The following MAGI2 variants were observed in gnomAD, a reference collection of about 807,000 sequenced individuals.
The protein encoded by MAGI2 is membrane-associated guanylate kinase, WW and PDZ domain-containing protein 2.
Under a neutral mutation model 133.3 loss-of-function variants are expected in MAGI2, and 35 were observed. The ratio of observed to expected loss-of-function variants is 0.26; its 90% CI spans 0.20 to 0.35. MAGI2 has a LOEUF of 0.35. Among genes scored for constraint, MAGI2 ranks in the 10% least tolerant of loss-of-function variants. The probability of loss-of-function intolerance (pLI) is 1.00; values close to 1 mark genes in which losing one functional copy is unlikely to be tolerated. For synonymous variants in MAGI2, 729 were observed against 710.6 expected (o/e 1.03, Z -0.41); for missense variants, 1,636 against 1,863.4 (o/e 0.88, Z 2.25).
At chr7:79,322,493 C>CTCATT (rs542838432) in intron 1 of MAGI2, among the ~76,000 whole-genome samples, 1,668 of 151,942 alleles carry the variant, frequency 0.011, 11 homozygotes, top group Middle Eastern at 0.021. Flanking sequence ...AAGCAATTGT[C>CTCATT]TCATCAGATT....
chr7:78,200,019 G>GT (rs1829093805), intron 11 of MAGI2, among the ~76,000 whole-genome samples: 1 of 152,186 alleles, frequency 6.6e-6, no homozygotes, highest in South Asian at 2.1e-4. Flanking sequence ...TTAGACATTG[G>GT]TTAAGATAAA....
intron 2 of MAGI2, among the ~76,000 whole-genome samples, chr7:78,689,453 G>A (rs1816718425): frequency 6.6e-6 from 1 of 152,032 alleles, no homozygotes; most frequent in Non-Finnish European, 1.5e-5. Context: ...AATGCTCCAA[G>A]TTTGATTTGT....
At chr7:78,504,282 G>T (rs1362968711) in intron 4 of MAGI2, among the ~76,000 whole-genome samples, 5 of 152,210 alleles carry the variant, frequency 3.3e-5, no homozygotes, top group African/African-American at 1.2e-4. Context: ...CAAATAATTT[G>T]GTCAAGGTGT....
intron 2 of MAGI2, among the ~76,000 whole-genome samples, chr7:78,806,687 A>T (rs1788603135): frequency 6.6e-6 from 1 of 151,690 alleles, no homozygotes; most frequent in Non-Finnish European, 1.5e-5. Context: ...GGGCAACAGA[A>T]AGATCCTGTC....
intron 1 of MAGI2, among the ~76,000 whole-genome samples, chr7:79,070,148 G>T (rs1445830622): frequency 2.0e-5 from 3 of 151,944 alleles, no homozygotes; most frequent in African/African-American, 7.3e-5. Flanking sequence ...TTGAATGTTG[G>T]CCTGCCTTGC....
At position 79,393,763 on chromosome 7, in the gene MAGI2, A is replaced by G. The variant is rs371462187; in HGVS notation, c.301+59257T>C. On this transcript the variant is annotated intron_variant, in intron 1 of 21. Transcript: ENST00000354212. ...GAACATTTCTAATTCTCCTCCTCCA[A>G]TAAGTTGAATATGTGAAAGTATTTT... is the stretch of plus-strand genomic sequence containing the variant. 4.7e-4 allele frequency among the ~76,000 whole-genome samples: 71 copies of G among 152,282 alleles called. 1 individual carries two copies. In the South Asian group the frequency reaches 0.013, roughly 29 times the overall value.
chr7:78,955,786 T>TTTCTTTCTTTCG (rs1562713495), intron 2 of MAGI2, among the ~76,000 whole-genome samples: 1 of 132,698 alleles, frequency 7.5e-6, no homozygotes, highest in African/African-American at 2.8e-5. Flanking sequence ...TCTTTCTTTC[T>TTTCTTTCTTTCG]TTCATTTCTT....
chr7:78,185,434 CT>C (rs1030002530), intron 13 of MAGI2, 194 bp downstream of exon 13: 1 of 415,066 alleles, frequency 2.4e-6, no homozygotes, highest in Non-Finnish European at 4.3e-6. Context: ...GACTGTTTTC[CT>C]TTGTCTTTTG....
At chr7:78,171,736 C>T (rs1826128445) in intron 14 of MAGI2, among the ~76,000 whole-genome samples, 1 of 152,200 alleles carries the variant, frequency 6.6e-6, no homozygotes, top group Non-Finnish European at 1.5e-5. Context: ...CTTGCTGACC[C>T]CTGGCCCACT....
intron 1 of MAGI2, among the ~76,000 whole-genome samples, chr7:79,400,109 T>TC (rs1845364518): frequency 6.6e-6 from 1 of 152,148 alleles, no homozygotes; most frequent in African/African-American, 2.4e-5. Flanking sequence ...TTTCCTTTTT[T>TC]CCCGCTATCC....
chr7:78,543,806 G>A (rs1276513343), intron 3 of MAGI2, among the ~76,000 whole-genome samples: 1 of 152,208 alleles, frequency 6.6e-6, no homozygotes, highest in Admixed American at 6.5e-5. Flanking sequence ...TTTTAAAAAG[G>A]TGAGTGCTGA....
chr7:78,280,881 A>G (rs544216799), intron 9 of MAGI2, among the ~76,000 whole-genome samples: 1 of 150,014 alleles, frequency 6.7e-6, no homozygotes, highest in Admixed American at 6.6e-5. Context: ...AAAAAATTGA[A>G]AAGCACAGCT....
intron 1 of MAGI2, among the ~76,000 whole-genome samples, chr7:79,272,597 A>G (rs932917520): frequency 2.0e-5 from 3 of 152,122 alleles, no homozygotes; most frequent in Admixed American, 2.0e-4. Flanking sequence ...AGCAGAAACA[A>G]TGCAATGCAC....
At chr7:79,447,707 A>C (rs1848959350) in intron 1 of MAGI2, among the ~76,000 whole-genome samples, 1 of 151,974 alleles carries the variant, frequency 6.6e-6, no homozygotes. Flanking sequence ...ATTTAAATTT[A>C]ATGGTATTTT....
chr7:78,200,466 A>C, intron 11 of MAGI2, among the ~76,000 whole-genome samples: 1 of 152,194 alleles, frequency 6.6e-6, no homozygotes, highest in East Asian at 1.9e-4. Flanking sequence ...ATGATGGTAG[A>C]GATCTCCAGT....
chr7:78,301,167 T>A (rs548626578), intron 9 of MAGI2, among the ~76,000 whole-genome samples: 1 of 152,186 alleles, frequency 6.6e-6, no homozygotes, highest in East Asian at 1.9e-4. Context: ...AGAACAAACA[T>A]CCCTAGACTA....
intron 3 of MAGI2, among the ~76,000 whole-genome samples, chr7:78,527,386 G>A (rs997754205): frequency 6.6e-6 from 1 of 152,098 alleles, no homozygotes; most frequent in African/African-American, 2.4e-5. Flanking sequence ...TGTATTTTAA[G>A]TTTCTAAAGT....
chr7:78,071,512 G>A (rs1029713019), intron 21 of MAGI2, among the ~76,000 whole-genome samples: 2 of 152,180 alleles, frequency 1.3e-5, no homozygotes, highest in African/African-American at 4.8e-5. Flanking sequence ...ACTCCAGCCT[G>A]GACTACAGAG....
At chr7:78,649,542 T>A (rs1305659218) in intron 2 of MAGI2, among the ~76,000 whole-genome samples, 2 of 152,172 alleles carry the variant, frequency 1.3e-5, no homozygotes, top group Non-Finnish European at 2.9e-5. Context: ...AAAAAGTTAG[T>A]ATCATTTGAT....
Sources: allele counts gnomAD v4.1 joint callset (sites outside exome capture counted in the v4.1 genomes callset), GRCh38; gene constraint gnomAD v4.1.1; transcripts MANE v1.5; gene names NCBI Gene and HGNC (gene_info 2026-07-23, HGNC 2026-07-21).